CEACAM21: variants seen among roughly 807,000 people sequenced by gnomAD.
CEACAM21 encodes the protein CEA cell adhesion molecule 21.
CEACAM21 carries 38 observed loss-of-function variants against 33.2 expected under a neutral mutation model. The ratio of observed to expected loss-of-function variants is 1.14; its 90% CI spans 0.88 to 1.50. The LOEUF (loss-of-function observed/expected upper bound fraction) is 1.50, where lower values mean the gene tolerates loss of function less well. CEACAM21 is among the 40% of genes most tolerant of loss of function. The pLI is 0.00. For synonymous variants in CEACAM21, 156 were observed against 143.0 expected, an observed-to-expected ratio of 1.09 and a Z score of -0.65; for missense variants, 385 against 364.6, an observed-to-expected ratio of 1.06 and a Z score of -0.46.
chr19:41,561,677 C>T (rs564679595), intron 1 of CEACAM21, among the ~76,000 whole-genome samples: 1 of 152,224 alleles, frequency 6.6e-6, no homozygotes, highest in Non-Finnish European at 1.5e-5. Flanking sequence ...TCATAAAGCT[C>T]TGCTATTTAA....
Position 41,579,437 on chromosome 19 carries a change from A to C in CEACAM21, c.509A>C (p.Asn170Thr), listed in dbSNP as rs1555792536. ...GSVVLTCHTN[N>T]TGTSFQWIFN... ...GTGGTCCTGACCTGCCACACAAATA[A>C]CACTGGAACCTCTTTCCAGTGGATT... Residue 170 changes from asparagine to threonine, a missense_variant, in exon 3 of 7, where the codon AAC becomes ACC. Coordinates refer to ENST00000401445, the MANE Select transcript of CEACAM21 (RefSeq NM_001098506.4). The C allele has an allele frequency of 6.2e-7, 1 of 1,613,862 alleles. No individual in the cohort carries two copies. The highest frequency in any genetic ancestry group is 2.2e-5 in the East Asian group (1 of 44,880).
In CEACAM21 at chr19:41,579,559, G is replaced by A; in HGVS notation, c.631G>A (p.Glu211Lys). 6.2e-7 allele frequency: 1 copy of A among 1,604,452 alleles called. No individual in the cohort carries two copies. Among genetic ancestry groups the A allele is most frequent in the Non-Finnish European group, 8.5e-7 (1 of 1,175,230 alleles). ...IDPIRQEDAG[E>K]YQCEVSNPVS... ...CCCCATCAGGCAGGAGGACGCTGGG[G>A]AGTATCAGTGTGAGGTCTCCAACCC... The change falls in exon 3 of 7, where the codon GAG becomes AAG. Residue 211 changes from glutamate to lysine, a missense_variant. Coordinates refer to ENST00000401445, the MANE Select transcript of CEACAM21 (RefSeq NM_001098506.4).
Position 41,576,324 on chromosome 19 carries a change from G to C in CEACAM21, c.50G>C (p.Gly17Ala). The change falls in exon 1 of 7, where the codon GGG becomes GCG. Residue 17 changes from glycine (G) to alanine (A), a missense_variant. Physicochemically the swap from Gly to Ala is moderately conservative, Grantham distance 60. Coordinates refer to ENST00000401445, the MANE Select transcript of CEACAM21 (RefSeq NM_001098506.4). ...CPHRECIPWQ[G>A]LLLTASLLTF... is the part of the protein sequence containing the mutation. ...CACAGAGAATGCATCCCCTGGCAGG[G>C]GCTCTTGCTCACAGGTGAGGGGAGG... is the stretch of plus-strand genomic sequence containing the variant. 6.2e-7 allele frequency: 1 copy of C among 1,611,888 alleles called. No homozygotes were observed. Among genetic ancestry groups the C allele is most frequent in the Non-Finnish European group, 8.5e-7 (1 of 1,178,776 alleles).
intron 1 of CEACAM21, among the ~76,000 whole-genome samples, chr19:41,559,992 A>AAAAAC (rs142541290): frequency 0.02 from 3,053 of 152,162 alleles, 45 homozygotes; most frequent in Middle Eastern, 0.034. Context: ...ACTTCCTCTC[A>AAAAAC]AAAACAAAAC....
chr19:41,585,048 G>T (rs1407524033), intron 4 of CEACAM21, among the ~76,000 whole-genome samples: 2 of 152,182 alleles, frequency 1.3e-5, no homozygotes, highest in African/African-American at 4.8e-5. Flanking sequence ...GGGACACTGA[G>T]TTCCAGGAGA....
At chr19:41,570,331 A>G (rs1284965173) in intron 2 of CEACAM21, among the ~76,000 whole-genome samples, 3 of 152,064 alleles carry the variant, frequency 2.0e-5, no homozygotes, top group Admixed American at 2.0e-4. Flanking sequence ...CGCTCCTAAT[A>G]TGGCTGGCAA....
chr19:41,561,108 C>T (rs2041856731), intron 1 of CEACAM21, among the ~76,000 whole-genome samples: 1 of 152,176 alleles, frequency 6.6e-6, no homozygotes, highest in Non-Finnish European at 1.5e-5. Context: ...ACAAGGTTAT[C>T]AGATATAAAA....
At chr19:41,565,285 G>T (rs1436240728) in intron 2 of CEACAM21, among the ~76,000 whole-genome samples, 2 of 152,144 alleles carry the variant, frequency 1.3e-5, no homozygotes, top group East Asian at 3.9e-4. Context: ...GGAGGAGAAG[G>T]GGGTGGGGAG....
intron 1 of CEACAM21, among the ~76,000 whole-genome samples, chr19:41,560,499 G>T (rs1020284096): frequency 6.6e-6 from 1 of 152,132 alleles, no homozygotes; most frequent in African/African-American, 2.4e-5. Flanking sequence ...CTCTTATTGT[G>T]AGGCTATTAT....
At chr19:41,585,936 G>T in intron 6 of CEACAM21, 65 bp downstream of exon 6, 1 of 1,535,104 alleles carries the variant, frequency 6.5e-7, no homozygotes, top group Non-Finnish European at 9.0e-7. Flanking sequence ...CAGGGCAGGG[G>T]GACTGTCAAT....
intron 2 of CEACAM21, among the ~76,000 whole-genome samples, chr19:41,569,058 A>T (rs1220063781): frequency 6.6e-6 from 1 of 152,204 alleles, no homozygotes; most frequent in Non-Finnish European, 1.5e-5. Flanking sequence ...CTATCATAAA[A>T]GATAGCTTAA....
intron 2 of CEACAM21, among the ~76,000 whole-genome samples, chr19:41,567,807 G>T (rs8100158): frequency 6.6e-6 from 1 of 151,814 alleles, no homozygotes; most frequent in African/African-American, 2.4e-5. Flanking sequence ...TCTCCTGACA[G>T]TAGGGAAGAT....
intron 2 of CEACAM21, among the ~76,000 whole-genome samples, chr19:41,566,587 G>A (rs1225749095): frequency 6.6e-6 from 1 of 152,120 alleles, no homozygotes; most frequent in African/African-American, 2.4e-5. Flanking sequence ...GATTTTGTTT[G>A]ATTTTGCATG....
intron 1 of CEACAM21, 112 bp from the exon 2 acceptor site, chr19:41,577,088 C>A: frequency 8.2e-7 from 1 of 1,221,644 alleles, no homozygotes; most frequent in Non-Finnish European, 1.2e-6. Flanking sequence ...AGGACACACA[C>A]ACACACACAC....
chr19:41,571,087 A>G (rs1412760093), intron 2 of CEACAM21, among the ~76,000 whole-genome samples: 1 of 151,430 alleles, frequency 6.6e-6, no homozygotes, highest in Non-Finnish European at 1.5e-5. Flanking sequence ...CCACCCACTC[A>G]ATGCCAGCAG....
At chr19:41,577,589 TG>T in intron 2 of CEACAM21, 30 bp downstream of exon 2, 2 of 1,609,880 alleles carry the variant, frequency 1.2e-6, no homozygotes, top group Non-Finnish European at 8.5e-7. Flanking sequence ...CTCTGGGTGT[TG>T]GGGGTCAGTT....
At chr19:41,572,365 G>A (rs1887773993), upstream of CEACAM21, among the ~76,000 whole-genome samples, 1 of 152,022 alleles carries the variant, frequency 6.6e-6, no homozygotes, top group South Asian at 2.1e-4. Flanking sequence ...GCAACTCCTG[G>A]GTCACCCCCT....
Position 41,579,340 on chromosome 19 carries a change from ACT to A in CEACAM21, c.425-10_425-9del, listed in dbSNP as rs1555792392. On this transcript the variant is annotated splice_polypyrimidine_tract_variant and intron_variant, in intron 2 of 6. Coordinates refer to ENST00000401445, the MANE Select transcript of CEACAM21 (RefSeq NM_001098506.4). ...GGCCCCAAGACACTTTCTGTTGGTC[ACT>A]CTATCCACAGAGTCAGTGGCTCAGC... 2 of 1,613,548 alleles carry A rather than the reference ACT, an allele frequency of 1.2e-6. No individual in the cohort carries two copies. Among genetic ancestry groups the A allele is most frequent in the African/African-American group, 2.7e-5 (2 of 74,758 alleles).
At chr19:41,555,175 C>A (rs1162848219) in intron 1 of CEACAM21, 1 of 151,992 alleles carries the variant, frequency 6.6e-6, no homozygotes, top group Non-Finnish European at 1.5e-5. Flanking sequence ...AATCCCCTGG[C>A]AATTTTTATT....
Sources: allele counts gnomAD v4.1 joint callset (sites outside exome capture counted in the v4.1 genomes callset), GRCh38; gene constraint gnomAD v4.1.1; transcripts MANE v1.5; gene names NCBI Gene and HGNC (gene_info 2026-07-23, HGNC 2026-07-21).